The following KHDRBS2 variants were observed in gnomAD, a reference collection of about 807,000 sequenced individuals.
KHDRBS2 encodes KH RNA binding domain containing, signal transduction associated 2.
In KHDRBS2, 26 loss-of-function variants were observed where a neutral mutation model predicts 44.3. The ratio of observed to expected loss-of-function variants is 0.59; its 90% CI spans 0.43 to 0.81. The LOEUF is 0.81. Among genes scored for constraint, KHDRBS2 ranks in the 40% least tolerant of loss-of-function variants. The probability of loss-of-function intolerance (pLI) is 0.00; values close to 1 mark genes in which losing one functional copy is unlikely to be tolerated. For missense variants in KHDRBS2, 476 were observed against 433.1 expected (o/e 1.10, Z -0.88); for synonymous variants, 194 against 151.1 (o/e 1.28, Z -2.08).
intron 2 of KHDRBS2, among the ~76,000 whole-genome samples, chr6:62,095,668 G>A (rs1427446086): frequency 6.6e-6 from 1 of 151,874 alleles, no homozygotes; most frequent in Non-Finnish European, 1.5e-5. Context: ...TCCAAACAGG[G>A]ACAATCTAAC....
intron 3 of KHDRBS2, among the ~76,000 whole-genome samples, chr6:62,001,284 TCAAA>T (rs1245507675): frequency 2.0e-5 from 3 of 152,074 alleles, no homozygotes; most frequent in Non-Finnish European, 4.4e-5. Context: ...CAGAGTTTCA[TCAAA>T]CAAAGAAGGT....
chr6:62,233,966 T>A (rs929005525), intron 1 of KHDRBS2, among the ~76,000 whole-genome samples: 1 of 152,144 alleles, frequency 6.6e-6, no homozygotes, highest in Non-Finnish European at 1.5e-5. Context: ...TGTGTCTTGG[T>A]GATACAATGA....
At chr6:61,633,615 T>C in the KHDRBS2 span, among the ~76,000 whole-genome samples, 10 of 152,090 alleles carry the variant, frequency 6.6e-5, no homozygotes, top group Non-Finnish European at 1.5e-4. Context: ...TATGAGAACA[T>C]CAACTCCTTA....
intron 4 of KHDRBS2, among the ~76,000 whole-genome samples, chr6:61,967,832 C>G (rs1228263045): frequency 7.0e-6 from 1 of 142,482 alleles, no homozygotes; most frequent in Non-Finnish European, 1.5e-5. Context: ...GGCCTTTTCT[C>G]TCTCTCTCAA....
chr6:62,206,226 G>C (rs972338606), intron 1 of KHDRBS2, among the ~76,000 whole-genome samples: 1 of 152,060 alleles, frequency 6.6e-6, no homozygotes, highest in Non-Finnish European at 1.5e-5. Flanking sequence ...ATGATAAGTA[G>C]AGTTCATTGA....
intron 6 of KHDRBS2, among the ~76,000 whole-genome samples, chr6:61,749,246 C>G (rs1777317354): frequency 6.6e-6 from 1 of 151,964 alleles, no homozygotes; most frequent in African/African-American, 2.4e-5. Context: ...ATCTCCTGAC[C>G]TTGTGATCCA....
intron 2 of KHDRBS2, among the ~76,000 whole-genome samples, chr6:62,061,993 C>T (rs924184181): frequency 5.3e-4 from 81 of 151,844 alleles, no homozygotes; most frequent in African/African-American, 1.7e-3. Flanking sequence ...GCATTCTTCA[C>T]GTAGTTCTCG....
At chr6:62,001,220 T>A (rs1156366296) in intron 3 of KHDRBS2, among the ~76,000 whole-genome samples, 1 of 152,156 alleles carries the variant, frequency 6.6e-6, no homozygotes, top group Non-Finnish European at 1.5e-5. Context: ...GCCTAATTAG[T>A]GGAGTTAATG....
chr6:61,983,211 T>TTCTTTCTTTC lies in KHDRBS2; in HGVS notation c.337-5000_337-4999insGAAAGAAAGA, dbSNP rs796719771. Among the ~76,000 whole-genome samples the TTCTTTCTTTC allele has an allele frequency of 2.8e-3, 200 of 72,396 alleles. 1 individual carries two copies. Among genetic ancestry groups the TTCTTTCTTTC allele is most frequent in the African/African-American group, 0.01 (189 of 18,544 alleles). 47.5% of individuals were successfully genotyped at this position (72,396 alleles called of 152,430 possible). On this transcript the variant is annotated intron_variant, in intron 3 of 8. Transcript: ENST00000281156. ...TAAAGTTTTTTTCATTTTCTTTCTT[T>TTCTTTCTTTC]CTTTCTTTCTTTCTTTCTTTCTTTC...
the KHDRBS2 span, among the ~76,000 whole-genome samples, chr6:61,618,648 G>A: frequency 2.6e-5 from 4 of 152,124 alleles, no homozygotes; most frequent in Admixed American, 2.0e-4. Flanking sequence ...GATAGGCCCC[G>A]TTGTGCATTG....
At chr6:61,570,676 T>G in the KHDRBS2 span, among the ~76,000 whole-genome samples, 1 of 152,138 alleles carries the variant, frequency 6.6e-6, no homozygotes, top group Non-Finnish European at 1.5e-5. Context: ...GACAAAAGTA[T>G]CAGATAACCT....
At chr6:61,601,935 T>C in the KHDRBS2 span, among the ~76,000 whole-genome samples, 1 of 152,190 alleles carries the variant, frequency 6.6e-6, no homozygotes, top group Non-Finnish European at 1.5e-5. Context: ...TCAAGGTTAA[T>C]GCTCCTTTTT....
chr6:62,207,514 C>A (rs1343247740), intron 1 of KHDRBS2, among the ~76,000 whole-genome samples: 4 of 152,064 alleles, frequency 2.6e-5, no homozygotes. Context: ...ATTTATCTTA[C>A]AAACTGCCTA....
chr6:62,065,893 G>A (rs1793557283), intron 2 of KHDRBS2, among the ~76,000 whole-genome samples: 1 of 151,494 alleles, frequency 6.6e-6, no homozygotes, highest in Non-Finnish European at 1.5e-5. Context: ...CACAATTCAT[G>A]TACCATTCAT....
At position 61,869,267 on chromosome 6, in the gene KHDRBS2, T is replaced by A. The variant is rs185015461; in HGVS notation, c.810+25368A>T. Reference sequence around the variant, plus strand: ...TGTATATGCCATGCACTGTAGCTGCTTCTTCACACAATTTTCTATTGTTTT... The same window carrying A: ...TGTATATGCCATGCACTGTAGCTGCATCTTCACACAATTTTCTATTGTTTT... On this transcript the variant is annotated intron_variant, in intron 6 of 8. Transcript: ENST00000281156. 1.7e-3 allele frequency among the ~76,000 whole-genome samples: 257 copies of A among 152,342 alleles called. 1 individual carries two copies. The highest frequency in any genetic ancestry group is 5.8e-3 in the African/African-American group (241 of 41,576).
chr6:61,554,092 A>G, the KHDRBS2 span, among the ~76,000 whole-genome samples: 2 of 152,252 alleles, frequency 1.3e-5, no homozygotes, highest in African/African-American at 4.8e-5. Flanking sequence ...TTATATTGCT[A>G]TTGGGGTGTT....
intron 6 of KHDRBS2, among the ~76,000 whole-genome samples, chr6:61,831,651 C>T (rs866645614): frequency 1.4e-4 from 22 of 152,044 alleles, no homozygotes; most frequent in African/African-American, 5.1e-4. Flanking sequence ...GCTCAGTGCA[C>T]ATAAAATGTA....
the KHDRBS2 span, among the ~76,000 whole-genome samples, chr6:61,645,347 AAACT>A: frequency 2.6e-5 from 4 of 152,158 alleles, no homozygotes; most frequent in Middle Eastern, 0.01. Flanking sequence ...GAGGATCAGA[AAACT>A]AACTATTGGG....
chr6:61,643,902 T>C, the KHDRBS2 span, among the ~76,000 whole-genome samples: 1 of 152,160 alleles, frequency 6.6e-6, no homozygotes, highest in Non-Finnish European at 1.5e-5. Context: ...ACAGATTCAA[T>C]GCTATTCCTA....
Sources: gnomAD v4.1 joint callset for allele counts (sites outside exome capture counted in the v4.1 genomes callset) on GRCh38, gnomAD v4.1.1 for gene constraint, MANE v1.5 for transcripts, NCBI Gene and HGNC (gene_info 2026-07-23, HGNC 2026-07-21) for gene names.